The following MTMR7 variants were observed in gnomAD, a reference collection of about 807,000 sequenced individuals.
MTMR7 encodes the protein myotubularin related protein 7, also known as phosphatidylinositol-3-phosphate phosphatase MTMR7.
A neutral mutation model predicts 81.2 loss-of-function variants in MTMR7; 76 were observed. That is an observed-to-expected ratio of 0.94 (90% CI 0.78 to 1.13). The LOEUF is 1.13. MTMR7 is among the 50% of genes most tolerant of loss of function. MTMR7 has a pLI of 0.00. For synonymous variants in MTMR7, 372 were observed against 289.8 expected (o/e 1.28, Z -2.88); for missense variants, 1,044 against 820.0 (o/e 1.27, Z -3.34).
chr8:17,303,028 C>T (rs1817230841), intron 12 of MTMR7, among the ~76,000 whole-genome samples: 1 of 151,910 alleles, frequency 6.6e-6, no homozygotes, highest in South Asian at 2.1e-4. Flanking sequence ...CCCTTTTTAT[C>T]CTACACAAAA....
chr8:17,368,225 G>C lies in MTMR7; in HGVS notation c.310+2812C>G, dbSNP rs544670822. On this transcript the variant is annotated intron_variant, in intron 3 of 13. Coordinates refer to ENST00000180173, the MANE Select transcript of MTMR7 (RefSeq NM_004686.5). ...ATTAATGCCACGAGTGATCTCACAGGAGGTAGAGCTCACGCTTGCACGCCC... is the reference window on the plus strand; with the variant it reads ...ATTAATGCCACGAGTGATCTCACAGCAGGTAGAGCTCACGCTTGCACGCCC... 3.9e-5 allele frequency among the ~76,000 whole-genome samples: 6 copies of C among 152,108 alleles called. No homozygotes were observed. In the East Asian group the frequency reaches 5.8e-4, roughly 15 times the overall value.
At chr8:17,344,104 T>C (rs1819485292) in intron 5 of MTMR7, among the ~76,000 whole-genome samples, 1 of 152,224 alleles carries the variant, frequency 6.6e-6, no homozygotes, top group Non-Finnish European at 1.5e-5. Context: ...TTAGCCTAAT[T>C]ATCATATACA....
intron 3 of MTMR7, among the ~76,000 whole-genome samples, chr8:17,363,311 T>A (rs1470227108): frequency 6.6e-6 from 1 of 152,236 alleles, no homozygotes; most frequent in South Asian, 2.1e-4. Context: ...AGGAATCTCT[T>A]GAGAAAGCCT....
In MTMR7 at chr8:17,349,051, C is replaced by T. The variant is rs373920476; in HGVS notation, c.499G>A (p.Val167Ile). ...ATGTGTGCCGTGGCCGATTTGGGAACGTACAGTTCAGTAGGATAAGAGTCA... is the reference window on the plus strand; with the variant it reads ...ATGTGTGCCGTGGCCGATTTGGGAATGTACAGTTCAGTAGGATAAGAGTCA... ...VCDSYPTELY[V>I]PKSATAHIIV... The change falls in exon 5 of 14, where the codon GTT becomes ATT. Residue 167 changes from valine to isoleucine, a missense_variant. Val to Ile is a conservative substitution (Grantham distance 29). Transcript: ENST00000180173. 1.8e-5 allele frequency: 29 copies of T among 1,612,272 alleles called. No homozygotes were observed. Among genetic ancestry groups the T allele is most frequent in the Middle Eastern group, 3.3e-4 (2 of 6,082 alleles).
chr8:17,386,902 A>G (rs1355354213), intron 1 of MTMR7, among the ~76,000 whole-genome samples: 1 of 152,190 alleles, frequency 6.6e-6, no homozygotes, highest in Non-Finnish European at 1.5e-5. Flanking sequence ...AGAGTGGATG[A>G]TGGGTGACCA....
intron 5 of MTMR7, among the ~76,000 whole-genome samples, chr8:17,344,034 CT>C (rs140091466): frequency 0.012 from 1,780 of 152,292 alleles, 35 homozygotes; most frequent in East Asian, 0.071. Context: ...TGGCTTACTA[CT>C]GTTTTTGAGT....
chr8:17,374,725 A>ACTGC (rs1820522311), intron 1 of MTMR7, among the ~76,000 whole-genome samples: 1 of 152,164 alleles, frequency 6.6e-6, no homozygotes, highest in Non-Finnish European at 1.5e-5. Flanking sequence ...AGGCAGGAAA[A>ACTGC]TCACTTGAAC....
chr8:17,382,924 G>C (rs1040425675), intron 1 of MTMR7, among the ~76,000 whole-genome samples: 2 of 152,196 alleles, frequency 1.3e-5, no homozygotes, highest in Non-Finnish European at 2.9e-5. Context: ...GTGATTAGGA[G>C]AATGCAGTGA....
chr8:17,380,628 C>G (rs1820729289), intron 1 of MTMR7, among the ~76,000 whole-genome samples: 2 of 151,302 alleles, frequency 1.3e-5, no homozygotes, highest in Non-Finnish European at 2.9e-5. Context: ...CACAGACAGG[C>G]AAAAACATCC....
At chr8:17,323,397 G>A (rs146724935) in intron 7 of MTMR7, among the ~76,000 whole-genome samples, 5 of 152,004 alleles carry the variant, frequency 3.3e-5, no homozygotes, top group Admixed American at 3.3e-4. Context: ...ATATACAAAC[G>A]GAGCCAGGAT....
At chr8:17,346,910 AGAG>A (rs1400203727) in intron 5 of MTMR7, among the ~76,000 whole-genome samples, 1 of 143,414 alleles carries the variant, frequency 7.0e-6, no homozygotes, top group Non-Finnish European at 1.5e-5. Context: ...AAAAAAAAAA[AGAG>A]GCAAGGGGCG....
intron 1 of MTMR7, among the ~76,000 whole-genome samples, chr8:17,399,146 A>G (rs980226106): frequency 5.3e-5 from 8 of 150,214 alleles, no homozygotes; most frequent in Admixed American, 4.6e-4. Context: ...CAGACAAGAG[A>G]AAAAAAAAAT....
intron 2 of MTMR7, among the ~76,000 whole-genome samples, chr8:17,372,826 T>G (rs1585101085): frequency 6.6e-6 from 1 of 152,272 alleles, no homozygotes; most frequent in East Asian, 1.9e-4. Flanking sequence ...GAATCTGGCC[T>G]ACTGACATTA....
chr8:17,385,614 C>T (rs903377995), intron 1 of MTMR7, among the ~76,000 whole-genome samples: 15 of 152,118 alleles, frequency 9.9e-5, no homozygotes, highest in African/African-American at 1.9e-4. Flanking sequence ...TACCCAATCG[C>T]GGGTATGTCT....
At chr8:17,326,910 G>A (rs188284479) in intron 7 of MTMR7, among the ~76,000 whole-genome samples, 25 of 152,248 alleles carry the variant, frequency 1.6e-4, no homozygotes, top group Admixed American at 1.0e-3. Context: ...GGAATATACC[G>A]ACCATAGCAA....
chr8:17,331,496 G>C (rs550860331), intron 6 of MTMR7, among the ~76,000 whole-genome samples: 2 of 152,250 alleles, frequency 1.3e-5, no homozygotes, highest in Non-Finnish European at 2.9e-5. Flanking sequence ...TGTCAGTGTG[G>C]GTCACATTTT....
intron 1 of MTMR7, among the ~76,000 whole-genome samples, chr8:17,398,921 T>C (rs1026197979): frequency 6.6e-6 from 1 of 152,154 alleles, no homozygotes; most frequent in Non-Finnish European, 1.5e-5. Flanking sequence ...AAATAATGGA[T>C]GATAGTATTT....
intron 3 of MTMR7, among the ~76,000 whole-genome samples, chr8:17,366,597 G>A (rs1247979656): frequency 6.6e-6 from 1 of 151,968 alleles, no homozygotes; most frequent in East Asian, 1.9e-4. Flanking sequence ...TAAAATAACT[G>A]TAGTTGAGGC....
chr8:17,413,122 G>A (rs1821781618), intron 1 of MTMR7, 147 bp downstream of exon 1: 2 of 896,064 alleles, frequency 2.2e-6, no homozygotes, highest in East Asian at 6.0e-5. Context: ...ACCCCGGGAT[G>A]CTCAGGCAAT....
Sources: allele counts gnomAD v4.1 joint callset (sites outside exome capture counted in the v4.1 genomes callset), GRCh38; gene constraint gnomAD v4.1.1; transcripts MANE v1.5; gene names NCBI Gene and HGNC (gene_info 2026-07-23, HGNC 2026-07-21).